SH3D19: variants seen among roughly 807,000 people sequenced by gnomAD.
SH3D19 encodes the protein SH3 domain containing 19.
In SH3D19, 58 loss-of-function variants were observed where a neutral mutation model predicts 112.1. The observed-to-expected ratio is 0.52, with a 90% CI of 0.42 to 0.64. The LOEUF (loss-of-function observed/expected upper bound fraction) is 0.64. SH3D19 is among the 30% of genes least tolerant of loss of function. The probability of loss-of-function intolerance (pLI) is 0.00; values close to 1 mark genes in which losing one functional copy is unlikely to be tolerated. For missense variants in SH3D19, 1,090 were observed against 1,263.4 expected, an observed-to-expected ratio of 0.86 and a Z score of 2.08; for synonymous variants, 391 against 448.5, an observed-to-expected ratio of 0.87 and a Z score of 1.62.
At chr4:151,221,803 A>ACCACAG (rs1472370140) in intron 2 of SH3D19, among the ~76,000 whole-genome samples, 2 of 152,194 alleles carry the variant, frequency 1.3e-5, no homozygotes, top group Non-Finnish European at 2.9e-5. Context: ...CCTCAAAGGT[A>ACCACAG]CCACAGCATT....
intron 9 of SH3D19, among the ~76,000 whole-genome samples, chr4:151,158,161 A>G (rs565328116): frequency 6.6e-6 from 1 of 152,354 alleles, no homozygotes; most frequent in African/African-American, 2.4e-5. Flanking sequence ...TGATCCCTAT[A>G]TAGTATATGT....
chr4:151,181,562 G>GT (rs1374757670), intron 3 of SH3D19: 2 of 152,132 alleles, frequency 1.3e-5, no homozygotes, highest in Non-Finnish European at 2.9e-5. Flanking sequence ...TGTCTGATTT[G>GT]TAAGAATGGT....
intron 12 of SH3D19, among the ~76,000 whole-genome samples, chr4:151,143,630 G>GT (rs147388425): frequency 0.044 from 6,519 of 148,134 alleles, 431 homozygotes; most frequent in African/African-American, 0.15. Context: ...TTTTTTATTT[G>GT]TTTTTTTTTT....
chr4:151,267,826 A>T (rs566803727), intron 1 of SH3D19, among the ~76,000 whole-genome samples: 22 of 152,212 alleles, frequency 1.4e-4, no homozygotes, highest in Non-Finnish European at 2.6e-4. Context: ...AAAGGGCATT[A>T]GTGTTTCAAG....
At chr4:151,235,602 A>G (rs1485165928) in intron 1 of SH3D19, among the ~76,000 whole-genome samples, 1 of 152,174 alleles carries the variant, frequency 6.6e-6, no homozygotes, top group Non-Finnish European at 1.5e-5. Flanking sequence ...CCTGGCCAAC[A>G]TGGTGAAAAC....
At position 151,253,321 on chromosome 4, in the gene SH3D19, C is replaced by T. The variant is rs140822992; in HGVS notation, c.113-27235G>A. Among the ~76,000 whole-genome samples the T allele has an allele frequency of 3.6e-3, 554 of 152,346 alleles. 5 individuals carry two copies. The highest frequency in any genetic ancestry group is 0.012 in the African/African-American group (519 of 41,586). On this transcript the variant is annotated intron_variant, in intron 1 of 19. Coordinates refer to ENST00000604030, the MANE Select transcript of SH3D19 (RefSeq NM_001378122.1). The stretch of plus-strand genomic sequence containing the variant: ...CCTCTTCCCTCAGTTATCCACCTGG[C>T]TCATTTCCTCTCTTACCTCTCAGGT...
intron 1 of SH3D19, chr4:151,283,428 A>G (rs1186995816): frequency 4.5e-6 from 3 of 669,494 alleles, no homozygotes; most frequent in Non-Finnish European, 7.4e-6. Context: ...TGGACAAATC[A>G]CTTAACTTCT....
intron 1 of SH3D19, among the ~76,000 whole-genome samples, chr4:151,240,754 T>G (rs1168300594): frequency 6.6e-6 from 1 of 151,946 alleles, no homozygotes; most frequent in Non-Finnish European, 1.5e-5. Flanking sequence ...AGGTTAAACA[T>G]GGAATTATTA....
chr4:151,227,996 C>G, intron 1 of SH3D19: 1 of 985,398 alleles, frequency 1.0e-6, no homozygotes, highest in Non-Finnish European at 1.2e-6. Context: ...CCAGTCTGCA[C>G]AGCTGGAATG....
chr4:151,313,615 G>T (rs1482558647), intron 1 of SH3D19, among the ~76,000 whole-genome samples: 1 of 151,980 alleles, frequency 6.6e-6, no homozygotes, highest in Non-Finnish European at 1.5e-5. Context: ...TCGGGGTCTT[G>T]CTTTGTTGCC....
At chr4:151,207,211 T>C (rs1765249400) in intron 2 of SH3D19, among the ~76,000 whole-genome samples, 1 of 152,072 alleles carries the variant, frequency 6.6e-6, no homozygotes, top group African/African-American at 2.4e-5. Flanking sequence ...CACCACCTCA[T>C]CGTTCAAAGC....
intron 7 of SH3D19, among the ~76,000 whole-genome samples, chr4:151,168,586 C>T (rs1342783125): frequency 3.9e-5 from 6 of 151,970 alleles, no homozygotes; most frequent in Non-Finnish European, 8.8e-5. Context: ...AGGAATGTGC[C>T]ACCATGCCTG....
intron 1 of SH3D19, among the ~76,000 whole-genome samples, chr4:151,304,062 CCCACTT>C (rs1728709385): frequency 1.3e-5 from 2 of 151,824 alleles, no homozygotes; most frequent in South Asian, 4.1e-4. Context: ...AAGCAATCTT[CCCACTT>C]AAGTATCCTG....
chr4:151,257,397 A>G (rs1307733494), intron 1 of SH3D19, among the ~76,000 whole-genome samples: 1 of 152,096 alleles, frequency 6.6e-6, no homozygotes, highest in East Asian at 1.9e-4. Flanking sequence ...AGATAACTCA[A>G]TTGTAATAAT....
chr4:151,283,078 T>A, intron 1 of SH3D19: 1 of 1,603,344 alleles, frequency 6.2e-7, no homozygotes, highest in Non-Finnish European at 8.5e-7. Context: ...TGCACTTTTC[T>A]AGGTTGCTTT....
At chr4:151,302,890 G>C (rs1332943445) in intron 1 of SH3D19, among the ~76,000 whole-genome samples, 1 of 151,860 alleles carries the variant, frequency 6.6e-6, no homozygotes. Flanking sequence ...AGGGGGGAGG[G>C]ATAGCATTAG....
chr4:151,280,180 TG>T (rs1774077682), intron 1 of SH3D19, among the ~76,000 whole-genome samples: 1 of 72,632 alleles, frequency 1.4e-5, no homozygotes, highest in Admixed American at 1.6e-4. Flanking sequence ...TCTTATTTTT[TG>T]CCAAATCACC....
intron 9 of SH3D19, among the ~76,000 whole-genome samples, chr4:151,157,398 C>A (rs1305361950): frequency 6.6e-6 from 1 of 150,714 alleles, no homozygotes; most frequent in East Asian, 1.9e-4. Context: ...ATCATCTCAC[C>A]CCAGTTGGGA....
rs932047679 is a variant in SH3D19, at chr4:151,226,354, T to A, written c.113-268A>T. 24 of 1,112,154 alleles carry A rather than the reference T, an allele frequency of 2.2e-5. No individual in the cohort carries two copies. The African/African-American group carries it at 3.7e-4, about 17-fold the overall frequency. The allele number at this position is 1,112,154 out of a possible 1,614,324, so 68.9% of individuals were successfully genotyped here. On this transcript the variant is annotated intron_variant, in intron 1 of 19. Coordinates refer to ENST00000604030, the MANE Select transcript of SH3D19 (RefSeq NM_001378122.1). ...TGCATTATTTCATTTTATAAGATCTTTCCTGTGCTAAATACTTTGCTAACA... is the reference window on the plus strand; with the variant it reads ...TGCATTATTTCATTTTATAAGATCTATCCTGTGCTAAATACTTTGCTAACA...
Sources: gnomAD v4.1 joint callset for allele counts (sites outside exome capture counted in the v4.1 genomes callset) on GRCh38, gnomAD v4.1.1 for gene constraint, MANE v1.5 for transcripts, NCBI Gene and HGNC (gene_info 2026-07-23, HGNC 2026-07-21) for gene names.